ALMS1: variants seen among roughly 807,000 people sequenced by gnomAD.
ALMS1 encodes ALMS1 centrosome and basal body associated protein.
Under a neutral mutation model 352.2 loss-of-function variants are expected in ALMS1, and 271 were observed. The observed-to-expected ratio is 0.77, with a 90% CI of 0.70 to 0.85. The LOEUF (loss-of-function observed/expected upper bound fraction) is 0.85, where lower values mean the gene tolerates loss of function less well. Among genes scored for constraint, ALMS1 ranks in the 40% least tolerant of loss-of-function variants. ALMS1 has a pLI of 0.00. For synonymous variants in ALMS1, 1,865 were observed against 1,761.2 expected, an observed-to-expected ratio of 1.06 and a Z score of -1.48; for missense variants, 5,445 against 4,870.7, an observed-to-expected ratio of 1.12 and a Z score of -3.51.
At position 73,490,982 on chromosome 2, in the gene ALMS1, C is replaced by A. The variant is rs1672972029; in HGVS notation, c.9023C>A (p.Ser3008Tyr). ...CAACATAAGCCTAAATCACACATTT[C>A]TAATATAAATGTTGAAGCCAAGTTC... is the stretch of plus-strand genomic sequence containing the variant. ...NNQHKPKSHISNINVEAKFNT... is the reference protein window; with the variant it reads ...NNQHKPKSHIYNINVEAKFNT... The change falls in exon 10 of 23, where the codon TCT becomes TAT. Residue 3008 changes from serine to tyrosine, a missense_variant. Coordinates refer to ENST00000613296, the MANE Select transcript of ALMS1 (RefSeq NM_001378454.1). 1 of 1,614,210 alleles carries A rather than the reference C, an allele frequency of 6.2e-7. No homozygotes were observed. The highest frequency in any genetic ancestry group is 1.1e-5 in the South Asian group (1 of 91,084).
rs554740656 is a variant in ALMS1 at position 73,466,129 on chromosome 2, T to A, written c.7674+10834T>A. Among the ~76,000 whole-genome samples, 23 of 152,262 alleles carry A rather than the reference T, an allele frequency of 1.5e-4. 1 individual carries two copies. The South Asian group carries it at 4.1e-3, about 27-fold the overall frequency. ...TACCATTTGACCCAGCCATCCCATT[T>A]CTGGGTATATACCCAAAGGATTATA... On this transcript the variant is annotated intron_variant, in intron 9 of 22. Transcript: ENST00000613296.
At chr2:73,491,542 A>G in intron 10 of ALMS1, 44 bp downstream of exon 10, 2 of 1,598,760 alleles carry the variant, frequency 1.3e-6, no homozygotes, top group Non-Finnish European at 1.7e-6. Context: ...GGACTTTGTA[A>G]TAAAGGGTTT....
At chr2:73,507,960 G>A (rs1261518001) in intron 10 of ALMS1, among the ~76,000 whole-genome samples, 3 of 152,108 alleles carry the variant, frequency 2.0e-5, no homozygotes, top group Non-Finnish European at 4.4e-5. Flanking sequence ...GTGTCCCAGA[G>A]ATTCTGGTAT....
At chr2:73,435,478 A>G (rs112127741) in intron 7 of ALMS1, among the ~76,000 whole-genome samples, 5 of 151,334 alleles carry the variant, frequency 3.3e-5, no homozygotes, top group African/African-American at 9.7e-5. Flanking sequence ...TTCTGATTCA[A>G]TTTATACTAA....
intron 12 of ALMS1, among the ~76,000 whole-genome samples, chr2:73,539,394 C>A (rs1472386755): frequency 6.6e-6 from 1 of 152,020 alleles, no homozygotes; most frequent in Non-Finnish European, 1.5e-5. Flanking sequence ...TCATCAAAGA[C>A]CAAAGGTAGA....
chr2:73,560,387 A>T (rs1441477566), intron 15 of ALMS1, among the ~76,000 whole-genome samples: 1 of 152,194 alleles, frequency 6.6e-6, no homozygotes, highest in East Asian at 1.9e-4. Context: ...TCAAAAGAAA[A>T]AATAGCAAAT....
intron 9 of ALMS1, among the ~76,000 whole-genome samples, chr2:73,481,395 T>G (rs541748946): frequency 6.0e-4 from 92 of 152,114 alleles, no homozygotes; most frequent in Non-Finnish European, 8.2e-4. Flanking sequence ...GTAGATATGC[T>G]GCATTATTTC....
intron 16 of ALMS1, among the ~76,000 whole-genome samples, chr2:73,574,888 A>G (rs1356904501): frequency 6.6e-6 from 1 of 152,210 alleles, no homozygotes; most frequent in African/African-American, 2.4e-5. Flanking sequence ...TAATTAACCC[A>G]GTGGAAACCC....
intron 1 of ALMS1, among the ~76,000 whole-genome samples, chr2:73,393,439 A>G (rs1362094979): frequency 6.6e-6 from 1 of 152,002 alleles, no homozygotes; most frequent in African/African-American, 2.4e-5. Flanking sequence ...ATAGAGTTCA[A>G]GTATAATTTT....
At chr2:73,439,851 A>G (rs1043656028) in intron 7 of ALMS1, among the ~76,000 whole-genome samples, 1 of 152,152 alleles carries the variant, frequency 6.6e-6, no homozygotes. Flanking sequence ...TTATACCTAA[A>G]GTTAATATTG....
intron 1 of ALMS1, among the ~76,000 whole-genome samples, chr2:73,394,577 T>G (rs1349841962): frequency 6.6e-6 from 1 of 152,108 alleles, no homozygotes; most frequent in Non-Finnish European, 1.5e-5. Context: ...CTCGAACTCC[T>G]GACTTCAAGT....
chr2:73,602,043 T>C, intron 19 of ALMS1, 142 bp from the exon 20 acceptor site: 2 of 865,244 alleles, frequency 2.3e-6, no homozygotes, highest in South Asian at 1.5e-5. Context: ...TGTCAGAGGA[T>C]TCTTCAACGC....
At position 73,450,849 on chromosome 2, in the gene ALMS1, A is replaced by G. The variant is rs1430759162; in HGVS notation, c.4322A>G (p.Gln1441Arg). The change falls in exon 8 of 23, where the codon CAG (glutamine) becomes CGG (arginine). Residue 1441 changes from glutamine to arginine, a missense_variant. Coordinates refer to ENST00000613296, the MANE Select transcript of ALMS1 (RefSeq NM_001378454.1). ...GAGAAGCCTGGTAGTTTCTACCAAC[A>G]GGTCTTGCCACATAGTCATCTACCT... The part of the protein sequence containing the change: ...HTEKPGSFYQ[Q>R]VLPHSHLPEE... The G allele has an allele frequency of 1.2e-6, 2 of 1,613,988 alleles. No homozygotes were observed. The highest frequency in any genetic ancestry group is 2.2e-5 in the South Asian group (2 of 91,082).
intron 2 of ALMS1, among the ~76,000 whole-genome samples, chr2:73,409,839 C>T (rs986823608): frequency 6.6e-6 from 1 of 152,094 alleles, no homozygotes. Context: ...AGCTGGAGCC[C>T]CAGGAGGGCT....
chr2:73,545,826 C>A (rs1387409042), intron 12 of ALMS1, among the ~76,000 whole-genome samples: 1 of 152,094 alleles, frequency 6.6e-6, no homozygotes, highest in Non-Finnish European at 1.5e-5. Flanking sequence ...TGCACTCTAC[C>A]CTTTATGAAC....
At position 73,550,319 on chromosome 2, in the gene ALMS1, AGAT is replaced by A; in HGVS notation, c.9966_9968del (p.Asp3323del). ...TCCCAGCTCAGGTGCTAGGCACAAG[AGAT>A]GATGACCTCTCAGCCACTGTTAACA... On this transcript the variant is annotated inframe_deletion, in exon 13 of 23. Transcript: ENST00000613296. 1 of 1,614,188 alleles carries A rather than the reference AGAT, an allele frequency of 6.2e-7. No individual in the cohort carries two copies. The highest frequency in any genetic ancestry group is 8.5e-7 in the Non-Finnish European group (1 of 1,180,022).
chr2:73,575,553 T>G, intron 16 of ALMS1, among the ~76,000 whole-genome samples: 1 of 152,346 alleles, frequency 6.6e-6, no homozygotes, highest in Non-Finnish European at 1.5e-5. Context: ...GGTTTTGATT[T>G]GCATTTCCCT....
At chr2:73,497,612 C>T (rs903489022) in intron 10 of ALMS1, among the ~76,000 whole-genome samples, 10 of 151,984 alleles carry the variant, frequency 6.6e-5, no homozygotes, top group Non-Finnish European at 1.2e-4. Flanking sequence ...ATGTACCTAC[C>T]TTAATTTAAA....
chr2:73,560,859 A>T (rs1674644775), intron 15 of ALMS1, among the ~76,000 whole-genome samples: 2 of 152,154 alleles, frequency 1.3e-5, no homozygotes, highest in Non-Finnish European at 2.9e-5. Context: ...ATGTTGAGGG[A>T]TTTAGGAGGA....
Sources: allele counts gnomAD v4.1 joint callset (sites outside exome capture counted in the v4.1 genomes callset), GRCh38; gene constraint gnomAD v4.1.1; transcripts MANE v1.5; gene names NCBI Gene and HGNC (gene_info 2026-07-23, HGNC 2026-07-21).